Variants in PKHD1 observed in about 807,000 individuals in gnomAD.
The protein encoded by PKHD1 is PKHD1 ciliary IPT domain containing fibrocystin/polyductin, also known as fibrocystin.
A neutral mutation model predicts 412.0 loss-of-function variants in PKHD1; 291 were observed. That is an observed-to-expected ratio of 0.71 (90% confidence interval 0.64 to 0.78). The LOEUF (loss-of-function observed/expected upper bound fraction) is 0.78. PKHD1 is among the 30% of genes least tolerant of loss of function. The pLI is 0.00. For missense variants in PKHD1, 4,825 were observed against 4,950.7 expected (o/e 0.97, Z 0.76); for synonymous variants, 1,777 against 1,821.5 (o/e 0.98, Z 0.62).
At chr6:52,036,427 C>A (rs984927185) in intron 27 of PKHD1, among the ~76,000 whole-genome samples, 1 of 152,224 alleles carries the variant, frequency 6.6e-6, no homozygotes, top group Non-Finnish European at 1.5e-5. Flanking sequence ...TCATGGCACA[C>A]GTTTCCATGT....
intron 2 of PKHD1, 133 bp from the exon 3 acceptor site, chr6:52,083,388 A>G (rs929913836): frequency 5.6e-6 from 4 of 713,752 alleles, no homozygotes; most frequent in Admixed American, 4.0e-5. Context: ...TGGTTGCACC[A>G]CATCCCCAGA....
chr6:52,048,629 G>A lies in PKHD1; in HGVS notation c.2280-10C>T, dbSNP rs749295454. 96 of 1,614,004 alleles carry A rather than the reference G, an allele frequency of 5.9e-5. No homozygotes were observed. The Admixed American group carries it at 7.5e-4, about 13-fold the overall frequency. ...TTCAGTGGGCACAGAGCTGTGGCAC[G>A]TCAGAAACAAAGTATTAACGTCTGG... On this transcript the variant is annotated splice_polypyrimidine_tract_variant and intron_variant, in intron 22 of 66. Coordinates refer to ENST00000371117, the MANE Select transcript of PKHD1 (RefSeq NM_138694.4).
At chr6:52,016,228 GCC>G (rs1800507139) in intron 34 of PKHD1, among the ~76,000 whole-genome samples, 2 of 152,178 alleles carry the variant, frequency 1.3e-5, no homozygotes, top group Non-Finnish European at 2.9e-5. Flanking sequence ...AACCTCTGGT[GCC>G]AAATTCACAC....
chr6:51,886,084 A>G (rs1326922426), intron 44 of PKHD1, 112 bp from the exon 45 acceptor site: 3 of 757,532 alleles, frequency 4.0e-6, no homozygotes, highest in Non-Finnish European at 7.0e-6. Flanking sequence ...ATGAAGGTAG[A>G]TGGAATCTGT....
rs1373328174 is a variant in PKHD1, at chr6:52,069,463, G to A, written c.772C>T (p.His258Tyr). ...AKQDLFLYQTHSEILSVFPET... is the reference protein window; with the variant it reads ...AKQDLFLYQTYSEILSVFPET... ...TGGTGAAGGGGGATAGTACCTGAGTGTGTCTGGTATAGGAAAAGATCCTGT... is the reference window on the plus strand; with the variant it reads ...TGGTGAAGGGGGATAGTACCTGAGTATGTCTGGTATAGGAAAAGATCCTGT... The change falls in exon 11 of 67, where the codon CAC (histidine) becomes TAC (tyrosine). Residue 258 changes from histidine (H) to tyrosine (Y), a missense_variant. Transcript: ENST00000371117. 1.2e-6 allele frequency: 2 copies of A among 1,607,360 alleles called. No individual in the cohort carries two copies. The highest frequency in any genetic ancestry group is 8.5e-7 in the Non-Finnish European group (1 of 1,173,822).
In PKHD1 at chr6:52,026,103, G is replaced by T. The variant is rs542983527; in HGVS notation, c.3707C>A (p.Ser1236Tyr). ...ALVWVLVGNR[S>Y]CDIVNLTEAS... Reference sequence around the variant, plus strand: ...CTCCGTTAAGTTCACAATGTCACAGGACCGATTGCCCACAAGTACCCAAAC... The same window carrying T: ...CTCCGTTAAGTTCACAATGTCACAGTACCGATTGCCCACAAGTACCCAAAC... Residue 1236 changes from serine (S) to tyrosine (Y), a missense_variant, in exon 32 of 67, where the codon TCC (serine) becomes TAC (tyrosine). Ser to Tyr is a moderately radical substitution (Grantham distance 144). Coordinates refer to ENST00000371117, the MANE Select transcript of PKHD1 (RefSeq NM_138694.4). 3 of 1,614,150 alleles carry T rather than the reference G, an allele frequency of 1.9e-6. No homozygotes were observed. The highest frequency in any genetic ancestry group is 2.5e-6 in the Non-Finnish European group (3 of 1,180,028).
intron 51 of PKHD1, among the ~76,000 whole-genome samples, chr6:51,835,085 G>A (rs571201527): frequency 6.6e-6 from 1 of 152,288 alleles, no homozygotes; most frequent in South Asian, 2.1e-4. Flanking sequence ...TTTCTCAGCA[G>A]TTGTAATTGA....
chr6:51,626,228 A>T (rs1041457938), intron 66 of PKHD1, among the ~76,000 whole-genome samples: 19 of 152,148 alleles, frequency 1.2e-4, no homozygotes, highest in African/African-American at 4.6e-4. Flanking sequence ...AACCACTAAG[A>T]TTGGTAAGCC....
intron 55 of PKHD1, among the ~76,000 whole-genome samples, chr6:51,755,742 A>G (rs1437683403): frequency 6.6e-6 from 1 of 152,168 alleles, no homozygotes; most frequent in Non-Finnish European, 1.5e-5. Flanking sequence ...TTTGATAAAG[A>G]GTCTCCTCTA....
chr6:52,058,738 C>T (rs1808195470), intron 15 of PKHD1, 137 bp from the exon 16 acceptor site: 1 of 791,002 alleles, frequency 1.3e-6, no homozygotes, highest in South Asian at 1.5e-5. Context: ...ACCCAGTTAC[C>T]TCAGCCCTGT....
chr6:51,689,649 T>G (rs1777901409), intron 60 of PKHD1, among the ~76,000 whole-genome samples: 2 of 152,216 alleles, frequency 1.3e-5, no homozygotes, highest in Admixed American at 6.5e-5. Flanking sequence ...CAGCAAAGTC[T>G]TGGGATACAA....
At position 51,830,910 on chromosome 6, in the gene PKHD1, T is replaced by C; in HGVS notation, c.8253A>G (p.Gly2751=). The change falls in exon 52 of 67, where the codon GGA becomes GGG. Residue 2751 remains glycine, a synonymous_variant. Transcript: ENST00000371117. ...TWQGVEEGWG[G]YNNTIPGPGD... ...CAGGGCCTGGAATGGTATTGTTGTATCCTCCCCAGCCTTCTTCAACACCTT... is the reference window on the plus strand; with the variant it reads ...CAGGGCCTGGAATGGTATTGTTGTACCCTCCCCAGCCTTCTTCAACACCTT... 6.2e-7 allele frequency: 1 copy of C among 1,612,796 alleles called. No homozygotes were observed. Among genetic ancestry groups the C allele is most frequent in the Non-Finnish European group, 8.5e-7 (1 of 1,179,050 alleles).
chr6:51,655,575 T>C (rs1771686277), intron 61 of PKHD1, among the ~76,000 whole-genome samples: 1 of 152,172 alleles, frequency 6.6e-6, no homozygotes, highest in Admixed American at 6.6e-5. Flanking sequence ...AACAAAGAGC[T>C]TTATGTGATA....
intron 34 of PKHD1, among the ~76,000 whole-genome samples, chr6:52,016,893 T>C (rs1192290885): frequency 6.6e-6 from 1 of 152,190 alleles, no homozygotes; most frequent in Non-Finnish European, 1.5e-5. Flanking sequence ...TCAGCCTCTT[T>C]TTTAAGTTAA....
intron 5 of PKHD1, among the ~76,000 whole-genome samples, 172 bp from the exon 6 acceptor site, chr6:52,076,505 A>G (rs1333241869): frequency 6.6e-6 from 1 of 152,242 alleles, no homozygotes; most frequent in Non-Finnish European, 1.5e-5. Context: ...TCTATGAAAC[A>G]GAAATGATAG....
chr6:52,071,272 A>T (rs1810571781), intron 8 of PKHD1, among the ~76,000 whole-genome samples: 1 of 151,560 alleles, frequency 6.6e-6, no homozygotes, highest in Non-Finnish European at 1.5e-5. Context: ...CTAGTTAGTA[A>T]TACCCTAAGC....
chr6:51,619,179 T>G lies in PKHD1; in HGVS notation c.12127A>C (p.Ser4043Arg). 6.2e-7 allele frequency: 1 copy of G among 1,614,236 alleles called. No homozygotes were observed. The highest frequency in any genetic ancestry group is 1.7e-5 in the Admixed American group (1 of 60,028). Residue 4043 changes from serine (S) to arginine (R), a missense_variant, in exon 67 of 67, where the codon AGC becomes CGC. By Grantham distance (110) the Ser-to-Arg change is moderately radical. Coordinates refer to ENST00000371117, the MANE Select transcript of PKHD1 (RefSeq NM_138694.4). ...GQSRLSKQSG[S>R]LGLSQEKKAS... ...TTCTTCTCTTGGGAAAGCCCCAAGC[T>G]GCCACTTTGCTTACTCAGCCGACTT...
chr6:51,733,733 G>A (rs1783508930), intron 60 of PKHD1, among the ~76,000 whole-genome samples: 1 of 152,162 alleles, frequency 6.6e-6, no homozygotes, highest in South Asian at 2.1e-4. Context: ...CTTTGAATAT[G>A]TAAAATGCTG....
At chr6:51,962,145 A>G (rs920160403) in intron 35 of PKHD1, among the ~76,000 whole-genome samples, 7 of 152,130 alleles carry the variant, frequency 4.6e-5, no homozygotes, top group Non-Finnish European at 7.4e-5. Context: ...CAAGCTAGGA[A>G]GAATGATGTG....
Sources: allele counts gnomAD v4.1 joint callset (sites outside exome capture counted in the v4.1 genomes callset), GRCh38; gene constraint gnomAD v4.1.1; transcripts MANE v1.5; gene names NCBI Gene and HGNC (gene_info 2026-07-23, HGNC 2026-07-21).